PPM1H: variants seen among roughly 807,000 people sequenced by gnomAD.
PPM1H encodes protein phosphatase, Mg2+/Mn2+ dependent 1H, also known as protein phosphatase 1H.
Under a neutral mutation model 54.9 loss-of-function variants are expected in PPM1H, and 27 were observed. The ratio of observed to expected loss-of-function variants is 0.49; its 90% CI spans 0.36 to 0.68. The LOEUF (loss-of-function observed/expected upper bound fraction) is 0.68. PPM1H is among the 30% of genes least tolerant of loss of function. The pLI, the probability that PPM1H is intolerant of heterozygous loss-of-function variation, is 0.00. For synonymous variants in PPM1H, 305 were observed against 270.8 expected (o/e 1.13, Z -1.24); for missense variants, 596 against 667.8 (o/e 0.89, Z 1.19).
intron 6 of PPM1H, among the ~76,000 whole-genome samples, chr12:62,694,878 A>G (rs2076105316): frequency 6.6e-6 from 1 of 152,208 alleles, no homozygotes; most frequent in Admixed American, 6.5e-5. Flanking sequence ...TACTTAGTAG[A>G]TAATTAACAC....
chr12:62,784,182 G>A (rs926279903), intron 4 of PPM1H, among the ~76,000 whole-genome samples: 8 of 152,138 alleles, frequency 5.3e-5, no homozygotes, highest in African/African-American at 1.4e-4. Flanking sequence ...TGGTTAGCTC[G>A]GCAGAGTAGA....
intron 5 of PPM1H, among the ~76,000 whole-genome samples, chr12:62,726,099 T>G (rs926845424): frequency 6.6e-6 from 1 of 152,218 alleles, no homozygotes; most frequent in African/African-American, 2.4e-5. Flanking sequence ...TGCCACCACA[T>G]TCAATACTTA....
intron 6 of PPM1H, among the ~76,000 whole-genome samples, chr12:62,701,681 T>G (rs759364728): frequency 1.6e-5 from 2 of 128,206 alleles, no homozygotes; most frequent in East Asian, 2.7e-4. Context: ...TGTTTGTTTG[T>G]TTTTTTTTTT....
In PPM1H at chr12:62,880,579, C is replaced by T. The variant is rs145602105; in HGVS notation, c.246-48300G>A. On this transcript the variant is annotated intron_variant, in intron 1 of 9. Transcript: ENST00000228705. Reference sequence around the variant, plus strand: ...TCGTGATTACCCTCCATCAGCACTCCCGATTCCATTCTCCTTGTGTCTTCC... The same window carrying T: ...TCGTGATTACCCTCCATCAGCACTCTCGATTCCATTCTCCTTGTGTCTTCC... Among the ~76,000 whole-genome samples the T allele has an allele frequency of 1.6e-3, 247 of 152,284 alleles. 1 individual carries two copies. The highest frequency in any genetic ancestry group is 5.5e-3 in the African/African-American group (227 of 41,570).
At chr12:62,836,113 C>T (rs2120873862) in intron 1 of PPM1H, among the ~76,000 whole-genome samples, 1 of 152,320 alleles carries the variant, frequency 6.6e-6, no homozygotes, top group Middle Eastern at 3.4e-3. Flanking sequence ...TATCTACATT[C>T]TTGGCCTAAA....
At chr12:62,911,464 T>A (rs574512151) in intron 1 of PPM1H, among the ~76,000 whole-genome samples, 1 of 152,350 alleles carries the variant, frequency 6.6e-6, no homozygotes, top group Non-Finnish European at 1.5e-5. Flanking sequence ...TTACTGACCT[T>A]AATTACCTAA....
In PPM1H at chr12:62,669,969, CTTTTTTTTTT is replaced by C. The variant is rs1161094944; in HGVS notation, c.1246-2650_1246-2641del. 9.3e-4 allele frequency among the ~76,000 whole-genome samples: 43 copies of C among 46,426 alleles called. 2 individuals carry two copies. The highest frequency in any genetic ancestry group is 1.3e-3 in the South Asian group (1 of 778). The allele number at this position is 46,426 out of a possible 152,430, so 30.5% of individuals were successfully genotyped here. A position where few individuals can be genotyped will look rare whatever the true frequency, so the allele number is the denominator to read the frequency against. ...AAAATAGTGTTTAGAGGATTGATTC[CTTTTTTTTTT>C]TTTTTTTTTTTTTTTGAGACGGAGT... On this transcript the variant is annotated intron_variant, in intron 8 of 9. Transcript: ENST00000228705.
rs568394410 is a variant in PPM1H at position 62,886,830 on chromosome 12, C to T, written c.245+47662G>A. 5.3e-5 allele frequency among the ~76,000 whole-genome samples: 8 copies of T among 152,232 alleles called. No individual in the cohort carries two copies. The South Asian group carries it at 1.5e-3, about 28-fold the overall frequency. ...AGGCATGAGAAAGCCTGGTAAGGGC[C>T]AGAACTGCTGAAACAAAGGGTTTGC... On this transcript the variant is annotated intron_variant, in intron 1 of 9. Coordinates refer to ENST00000228705, the MANE Select transcript of PPM1H (RefSeq NM_020700.2).
At chr12:62,828,315 C>A (rs1312210473) in intron 2 of PPM1H, among the ~76,000 whole-genome samples, 1 of 152,214 alleles carries the variant, frequency 6.6e-6, no homozygotes. Context: ...ACATTTCCTG[C>A]AATCCAGGCT....
At chr12:62,755,538 G>A in intron 4 of PPM1H, 1 of 660,824 alleles carries the variant, frequency 1.5e-6, no homozygotes, top group Non-Finnish European at 2.8e-6. Flanking sequence ...TCACCACCAT[G>A]GAGAAGGCTG....
intron 6 of PPM1H, among the ~76,000 whole-genome samples, chr12:62,702,362 T>C (rs940922867): frequency 4.6e-5 from 7 of 152,196 alleles, no homozygotes; most frequent in African/African-American, 1.7e-4. Context: ...TAACTTGGTT[T>C]AAAGGCAAGT....
chr12:62,786,058 G>A (rs893423063), intron 4 of PPM1H, among the ~76,000 whole-genome samples: 1 of 152,246 alleles, frequency 6.6e-6, no homozygotes, highest in African/African-American at 2.4e-5. Context: ...GTCCCTGAGT[G>A]GGCCAGGAAG....
intron 1 of PPM1H, among the ~76,000 whole-genome samples, chr12:62,902,123 G>A (rs1871176786): frequency 6.6e-6 from 1 of 152,070 alleles, no homozygotes; most frequent in African/African-American, 2.4e-5. Flanking sequence ...AGCACTTTGG[G>A]ACACTGAGGT....
chr12:62,723,209 C>T (rs1029409074), intron 5 of PPM1H, among the ~76,000 whole-genome samples: 1 of 152,008 alleles, frequency 6.6e-6, no homozygotes, highest in African/African-American at 2.4e-5. Context: ...TATCATACCA[C>T]ATATCCCTAG....
chr12:62,846,772 A>G (rs1380610214), intron 1 of PPM1H, among the ~76,000 whole-genome samples: 2 of 152,076 alleles, frequency 1.3e-5, no homozygotes, highest in African/African-American at 2.4e-5. Context: ...TGTTAAGGCT[A>G]TTTTGCATGC....
chr12:62,715,123 C>T lies in PPM1H; in HGVS notation c.1073+5048G>A, dbSNP rs931187675. Among the ~76,000 whole-genome samples, 9 of 152,344 alleles carry T rather than the reference C, an allele frequency of 5.9e-5. 1 individual carries two copies. Among genetic ancestry groups the T allele is most frequent in the East Asian group, 1.9e-4 (1 of 5,166 alleles). On this transcript the variant is annotated intron_variant, in intron 6 of 9. Transcript: ENST00000228705. ...GCTGTGAGAAACTGCTGTTTCAACT[C>T]GGTAACATAGACACTTGCCAGTAAA... is the stretch of plus-strand genomic sequence containing the variant.
rs34772338 is a variant in PPM1H at position 62,867,564 on chromosome 12, A to ATTTTTTTTTTTTTTTTTTTTT, written c.246-35306_246-35286dup. Among the ~76,000 whole-genome samples the ATTTTTTTTTTTTTTTTTTTTT allele has an allele frequency of 2.9e-4, 16 of 55,370 alleles. 5 individuals are homozygous for ATTTTTTTTTTTTTTTTTTTTT. The highest frequency in any genetic ancestry group is 5.1e-4 in the African/African-American group (8 of 15,610). The allele number at this position is 55,370 out of a possible 152,430, so 36.3% of individuals were successfully genotyped here. A position where few individuals can be genotyped will look rare whatever the true frequency, so the allele number is the denominator to read the frequency against. Reference sequence around the variant, plus strand: ...TCCTGAAATACATCTTATGAGCACTATTTTTTTTTTTTTTTTTTTTTTTTT... The same window carrying ATTTTTTTTTTTTTTTTTTTTT: ...TCCTGAAATACATCTTATGAGCACTATTTTTTTTTTTTTTTTTTTTTTTTTTTTTTTTTTTTTTTTTTTTTT... On this transcript the variant is annotated intron_variant, in intron 1 of 9. Transcript: ENST00000228705.
intron 1 of PPM1H, among the ~76,000 whole-genome samples, chr12:62,845,416 T>G (rs960352759): frequency 6.6e-6 from 1 of 152,222 alleles, no homozygotes; most frequent in African/African-American, 2.4e-5. Flanking sequence ...AAATCTATAC[T>G]TCTTTCAGAG....
At chr12:62,896,883 A>C (rs1871007050) in intron 1 of PPM1H, among the ~76,000 whole-genome samples, 1 of 152,170 alleles carries the variant, frequency 6.6e-6, no homozygotes, top group Non-Finnish European at 1.5e-5. Context: ...GGATTAAGAA[A>C]ATGTGGCACA....
Sources: allele counts gnomAD v4.1 joint callset (sites outside exome capture counted in the v4.1 genomes callset), GRCh38; gene constraint gnomAD v4.1.1; transcripts MANE v1.5; gene names NCBI Gene and HGNC (gene_info 2026-07-23, HGNC 2026-07-21).